RIMS2: variants seen among roughly 807,000 people sequenced by gnomAD.
RIMS2 encodes regulating synaptic membrane exocytosis protein 2.
A neutral mutation model predicts 174.4 loss-of-function variants in RIMS2; 59 were observed. The ratio of observed to expected loss-of-function variants is 0.34; its 90% CI spans 0.27 to 0.42. The LOEUF (loss-of-function observed/expected upper bound fraction) is 0.42, where lower values mean the gene tolerates loss of function less well. Ranked by LOEUF, RIMS2 falls within the 10% of genes least tolerant of loss-of-function variation. RIMS2 has a pLI of 1.00. For synonymous variants in RIMS2, 606 were observed against 572.5 expected (o/e 1.06, Z -0.84); for missense variants, 1,620 against 1,666.3 (o/e 0.97, Z 0.48).
chr8:104,034,681 G>T (rs549808727), intron 19 of RIMS2, among the ~76,000 whole-genome samples: 2 of 151,886 alleles, frequency 1.3e-5, no homozygotes, highest in African/African-American at 4.8e-5. Context: ...TGTTGGCCAG[G>T]ATGGTCTCAA....
chr8:104,216,408 C>G (rs1484361724), intron 19 of RIMS2, among the ~76,000 whole-genome samples: 1 of 152,184 alleles, frequency 6.6e-6, no homozygotes, highest in African/African-American at 2.4e-5. Context: ...TCAGTAGAGT[C>G]TCTTCAGCTG....
intron 1 of RIMS2, among the ~76,000 whole-genome samples, chr8:103,612,774 G>A (rs2095414241): frequency 6.6e-6 from 1 of 152,156 alleles, no homozygotes; most frequent in African/African-American, 2.4e-5. Context: ...GTTTCACAAT[G>A]TTGGCCAGGC....
chr8:103,889,872 A>T (rs918406351), intron 4 of RIMS2, among the ~76,000 whole-genome samples: 2 of 151,916 alleles, frequency 1.3e-5, no homozygotes. Context: ...TGTGTAACAA[A>T]AACAGAGAGG....
chr8:103,528,516 T>G (rs1385950493), intron 1 of RIMS2, among the ~76,000 whole-genome samples: 2 of 152,242 alleles, frequency 1.3e-5, no homozygotes, highest in Non-Finnish European at 2.9e-5. Flanking sequence ...AGAGTTTTTA[T>G]GGTTTTAGGT....
At chr8:103,941,233 A>C (rs138969854) in intron 13 of RIMS2, among the ~76,000 whole-genome samples, 118 of 152,078 alleles carry the variant, frequency 7.8e-4, no homozygotes, top group African/African-American at 2.7e-3. Flanking sequence ...TGTAATACCA[A>C]TCCTTTGGGA....
chr8:103,932,927 C>T (rs888398350), intron 12 of RIMS2, among the ~76,000 whole-genome samples: 7 of 150,802 alleles, frequency 4.6e-5, no homozygotes, highest in African/African-American at 9.7e-5. Flanking sequence ...GAGGCCGAGG[C>T]GGGTGGATTA....
At chr8:103,884,149 GAT>G (rs1345385959) in intron 3 of RIMS2, among the ~76,000 whole-genome samples, 1 of 151,808 alleles carries the variant, frequency 6.6e-6, no homozygotes, top group African/African-American at 2.4e-5. Context: ...ACCCGGGGGA[GAT>G]ATTAGAGAAG....
chr8:103,687,151 C>CT (rs751054284), intron 1 of RIMS2, among the ~76,000 whole-genome samples: 156 of 147,630 alleles, frequency 1.1e-3, no homozygotes, highest in East Asian at 2.8e-3. Context: ...GTCAAGCTAT[C>CT]TTTTTTTTTT....
At chr8:104,079,280 G>T (rs1006319949) in intron 19 of RIMS2, among the ~76,000 whole-genome samples, 1 of 152,022 alleles carries the variant, frequency 6.6e-6, no homozygotes, top group African/African-American at 2.4e-5. Flanking sequence ...GTGGAGAATA[G>T]CTGCCATTGC....
At chr8:103,874,107 G>T (rs1464049254) in intron 3 of RIMS2, among the ~76,000 whole-genome samples, 1 of 151,966 alleles carries the variant, frequency 6.6e-6, no homozygotes, top group Non-Finnish European at 1.5e-5. Context: ...ATCACTATGT[G>T]GATATTGACT....
chr8:103,573,194 T>C (rs1209125125), intron 1 of RIMS2, among the ~76,000 whole-genome samples: 1 of 152,058 alleles, frequency 6.6e-6, no homozygotes, highest in Non-Finnish European at 1.5e-5. Flanking sequence ...TAGCTGGGAC[T>C]ACAGGTGCAT....
intron 16 of RIMS2, among the ~76,000 whole-genome samples, chr8:103,987,826 A>G (rs1479132692): frequency 6.6e-6 from 1 of 152,224 alleles, no homozygotes; most frequent in Admixed American, 6.5e-5. Context: ...ATATAGTAAA[A>G]TGTAAGTACT....
Position 103,655,436 on chromosome 8 carries a change from T to C in RIMS2, c.177-41650T>C, listed in dbSNP as rs185682928. On this transcript the variant is annotated intron_variant, in intron 1 of 23. Coordinates refer to ENST00000504942, the Ensembl canonical transcript of RIMS2. ...GCAACTGTCATTTTAACTTTGTATC[T>C]GCAATACATAGCAAAATGGTAAAGG... Among the ~76,000 whole-genome samples, 382 of 150,472 alleles carry C rather than the reference T, an allele frequency of 2.5e-3. 5 individuals carry two copies. Among genetic ancestry groups the C allele is most frequent in the Non-Finnish European group, 9.2e-4 (62 of 67,512 alleles).
chr8:104,033,273 AAAC>A (rs1266378989), intron 19 of RIMS2, among the ~76,000 whole-genome samples: 1 of 151,994 alleles, frequency 6.6e-6, no homozygotes, highest in Admixed American at 6.6e-5. Flanking sequence ...ATTTTTAAGT[AAAC>A]AAGATAAATA....
At chr8:104,077,090 G>A (rs768452858) in intron 19 of RIMS2, among the ~76,000 whole-genome samples, 1 of 152,112 alleles carries the variant, frequency 6.6e-6, no homozygotes, top group Non-Finnish European at 1.5e-5. Context: ...AAAGTGCTAG[G>A]ATTACAGGCA....
intron 1 of RIMS2, among the ~76,000 whole-genome samples, chr8:103,644,775 T>C (rs1589609914): frequency 1.3e-5 from 2 of 151,672 alleles, no homozygotes; most frequent in Non-Finnish European, 2.9e-5. Context: ...CATATATAGA[T>C]GTTTTTACAA....
At chr8:104,160,087 T>C (rs1190502513) in intron 19 of RIMS2, among the ~76,000 whole-genome samples, 1 of 151,708 alleles carries the variant, frequency 6.6e-6, no homozygotes, top group African/African-American at 2.4e-5. Context: ...TGCAGTGAGC[T>C]GAGATGGTGC....
At chr8:103,987,885 C>G (rs1444093913) in intron 16 of RIMS2, among the ~76,000 whole-genome samples, 1 of 152,150 alleles carries the variant, frequency 6.6e-6, no homozygotes, top group Non-Finnish European at 1.5e-5. Flanking sequence ...ACTAAGAATT[C>G]ACAGGATCTT....
At chr8:103,704,851 C>G (rs1313612344) in intron 2 of RIMS2, among the ~76,000 whole-genome samples, 2 of 151,788 alleles carry the variant, frequency 1.3e-5, no homozygotes, top group African/African-American at 4.8e-5. Flanking sequence ...TTATTTTGGA[C>G]TCTTCTTAGT....
Sources: allele counts gnomAD v4.1 joint callset (sites outside exome capture counted in the v4.1 genomes callset), GRCh38; gene constraint gnomAD v4.1.1; transcripts MANE v1.5; gene names NCBI Gene and HGNC (gene_info 2026-07-23, HGNC 2026-07-21).